Variants in BAHD1 observed in about 807,000 individuals in gnomAD.
BAHD1 encodes the protein bromo adjacent homology domain containing 1.
Under a neutral mutation model 63.1 loss-of-function variants are expected in BAHD1, and 20 were observed. That is an observed-to-expected ratio of 0.32 (90% confidence interval 0.22 to 0.46). The LOEUF (loss-of-function observed/expected upper bound fraction) is 0.46. Ranked by LOEUF, BAHD1 falls within the 20% of genes least tolerant of loss-of-function variation. BAHD1 has a pLI of 1.00. For missense variants in BAHD1, 939 were observed against 1,071.8 expected (o/e 0.88, Z 1.73); for synonymous variants, 408 against 426.8 (o/e 0.96, Z 0.54).
intron 1 of BAHD1, among the ~76,000 whole-genome samples, chr15:40,441,570 C>T (rs957115848): frequency 6.7e-6 from 1 of 148,944 alleles, no homozygotes; most frequent in Non-Finnish European, 1.5e-5. Flanking sequence ...CCTTGCAGGC[C>T]GGGGGCGGGG....
rs752320669 is a variant in BAHD1 at position 40,459,136 on chromosome 15, G to T, written c.672G>T (p.Arg224=). The T allele has an allele frequency of 6.2e-7, 1 of 1,613,014 alleles. No individual in the cohort carries two copies. The highest frequency in any genetic ancestry group is 2.2e-5 in the East Asian group (1 of 44,884). The part of the protein sequence containing the change: ...KLSQERELPL[R]LPRAHAEVDG... Reference sequence around the variant, plus strand: ...GCCAGGAGCGGGAGCTACCCCTGCGGCTGCCTCGTGCCCATGCAGAAGTAG... The same window carrying T: ...GCCAGGAGCGGGAGCTACCCCTGCGTCTGCCTCGTGCCCATGCAGAAGTAG... The change falls in exon 2 of 7, where the codon CGG becomes CGT. Residue 224 remains arginine (R), a synonymous_variant. Transcript: ENST00000416165.
chr15:40,463,804 G>C (rs971119373), intron 3 of BAHD1, 57 bp from the exon 4 acceptor site: 6 of 1,593,366 alleles, frequency 3.8e-6, no homozygotes, highest in Admixed American at 1.7e-5. Flanking sequence ...CCCTCTCTCT[G>C]TCCTTACTCT....
intron 1 of BAHD1, among the ~76,000 whole-genome samples, chr15:40,442,074 G>C (rs1163016099): frequency 6.6e-6 from 1 of 152,166 alleles, no homozygotes; most frequent in East Asian, 1.9e-4. Context: ...AGTGACAGCG[G>C]GACCCTGTGC....
Position 40,458,463 on chromosome 15 carries a change from C to G in BAHD1, c.-2C>G. ...TTCTGTCCTGCAGGTTGGAAGTACT[C>G]CATGACACACACTCGGAGAAAGTCC... On this transcript the variant is annotated 5_prime_UTR_variant, in exon 2 of 7. Transcript: ENST00000416165. The surrounding 1 kb of genome is among the most constrained non-coding windows in gnomAD (Gnocchi z 4.7). 1 of 1,573,960 alleles carries G rather than the reference C, an allele frequency of 6.4e-7. No individual in the cohort carries two copies. The highest frequency in any genetic ancestry group is 8.6e-7 in the Non-Finnish European group (1 of 1,157,554).
Position 40,465,981 on chromosome 15 carries a change from A to C in BAHD1, c.2194A>C (p.Ser732Arg), listed in dbSNP as rs766984373. Residue 732 changes from serine (S) to arginine (R), a missense_variant, in exon 7 of 7, where the codon AGC becomes CGC. Transcript: ENST00000416165. Reference protein sequence around the residue: ...MAKRRGEGLPSRKTALVPPSA... With the variant: ...MAKRRGEGLPRRKTALVPPSA... The stretch of plus-strand genomic sequence containing the variant: ...CAAGCGCCGAGGTGAAGGCCTCCCC[A>C]GCCGAAAGACAGCACTGGTTCCCCC... 3 of 1,607,844 alleles carry C rather than the reference A, an allele frequency of 1.9e-6. No homozygotes were observed. The highest frequency in any genetic ancestry group is 2.5e-6 in the Non-Finnish European group (3 of 1,177,134).
intron 1 of BAHD1, among the ~76,000 whole-genome samples, chr15:40,445,271 A>C (rs1893507169): frequency 6.6e-6 from 1 of 151,290 alleles, no homozygotes; most frequent in Non-Finnish European, 1.5e-5. Flanking sequence ...AAAAAAAAAA[A>C]AAAAACAACC....
chr15:40,461,714 A>G (rs996694471), intron 2 of BAHD1, among the ~76,000 whole-genome samples, 198 bp from the exon 3 acceptor site: 3 of 152,066 alleles, frequency 2.0e-5, no homozygotes, highest in Non-Finnish European at 2.9e-5. Flanking sequence ...GAGATGGCCA[A>G]TCTCCAAGAT....
rs1894068875 is a variant in BAHD1 at position 40,462,222 on chromosome 15, C to T, written c.1743C>T (p.Arg581=). 2 of 1,611,352 alleles carry T rather than the reference C, an allele frequency of 1.2e-6. No homozygotes were observed. The highest frequency in any genetic ancestry group is 1.3e-5 in the African/African-American group (1 of 74,840). ...CACGTGTCCAGCGCCCACGCCCTCG[C>T]CGCCGCCGTCGCCGCCGCACTAATG... is the stretch of plus-strand genomic sequence containing the variant. ...KQPRVQRPRP[R]RRRRRRTNGW... is the part of the protein sequence containing the mutation. Residue 581 remains arginine, a synonymous_variant, in exon 3 of 7, where the codon CGC becomes CGT. Transcript: ENST00000416165.
intron 1 of BAHD1, among the ~76,000 whole-genome samples, chr15:40,447,423 C>T (rs757591478): frequency 1.6e-4 from 24 of 151,990 alleles, no homozygotes; most frequent in African/African-American, 4.3e-4. Flanking sequence ...AAAAATGAGC[C>T]GGGTCTGGTA....
At chr15:40,438,498 C>T (rs1356755718), upstream of BAHD1, among the ~76,000 whole-genome samples, 1 of 152,024 alleles carries the variant, frequency 6.6e-6, no homozygotes, top group Non-Finnish European at 1.5e-5. Context: ...CAGTCAGAGC[C>T]TCCTGGGGCA....
chr15:40,465,532 C>A (rs1358495782), intron 6 of BAHD1, 97 bp downstream of exon 6: 2 of 926,572 alleles, frequency 2.2e-6, no homozygotes, highest in Non-Finnish European at 3.5e-6. Flanking sequence ...TCTCATTCTG[C>A]TCTCTACCTG....
chr15:40,465,799 C>A, intron 6 of BAHD1, 142 bp from the exon 7 acceptor site: 1 of 843,822 alleles, frequency 1.2e-6, no homozygotes, highest in Non-Finnish European at 1.9e-6. Flanking sequence ...AGACATCATC[C>A]CTGGGATGGG....
chr15:40,442,648 C>T (rs1893437103), intron 1 of BAHD1, among the ~76,000 whole-genome samples: 2 of 152,150 alleles, frequency 1.3e-5, no homozygotes, highest in African/African-American at 4.8e-5. Flanking sequence ...AAGAGACACC[C>T]CACCCCGTGG....
upstream of BAHD1, chr15:40,439,895 CG>C (rs1295221482): frequency 6.6e-6 from 1 of 152,288 alleles, no homozygotes; most frequent in African/African-American, 2.4e-5. Flanking sequence ...CGAGCGTGCT[CG>C]GGCTTGGGAG....
intron 1 of BAHD1, among the ~76,000 whole-genome samples, chr15:40,445,575 GA>G (rs1257483596): frequency 2.8e-4 from 43 of 152,136 alleles, no homozygotes; most frequent in Admixed American, 2.8e-3. Flanking sequence ...AAACCTTAAG[GA>G]AAAAAAGTCT....
intron 1 of BAHD1, among the ~76,000 whole-genome samples, chr15:40,442,025 G>A (rs1893418564): frequency 6.6e-6 from 1 of 152,106 alleles, no homozygotes; most frequent in Non-Finnish European, 1.5e-5. Flanking sequence ...CCGAGTCCGA[G>A]GTGTGGCGGG....
At chr15:40,439,954 G>C (rs910111501), upstream of BAHD1, 1 of 152,264 alleles carries the variant, frequency 6.6e-6, no homozygotes, top group African/African-American at 2.4e-5. Flanking sequence ...TTGGTGACTA[G>C]GGGGAAGCCA....
Position 40,459,271 on chromosome 15 carries a change from T to C in BAHD1, c.807T>C (p.Ala269=), listed in dbSNP as rs1466093843. ...KAWQGASSGE[A]AGPPGWQGCP... ...GGCAGGGGGCCAGCTCTGGGGAGGC[T>C]GCAGGCCCACCTGGCTGGCAAGGCT... The change falls in exon 2 of 7, where the codon GCT becomes GCC. Residue 269 remains alanine (A), a synonymous_variant. Transcript: ENST00000416165. 26 of 1,612,734 alleles carry C rather than the reference T, an allele frequency of 1.6e-5. No individual in the cohort carries two copies. Among genetic ancestry groups the C allele is most frequent in the Non-Finnish European group, 2.2e-5 (26 of 1,179,950 alleles).
Position 40,459,791 on chromosome 15 carries a change from G to A in BAHD1, c.1327G>A (p.Asp443Asn). 1 of 1,613,788 alleles carries A rather than the reference G, an allele frequency of 6.2e-7. No homozygotes were observed. Among genetic ancestry groups the A allele is most frequent in the Non-Finnish European group, 8.5e-7 (1 of 1,180,008 alleles). Residue 443 changes from aspartate to asparagine, a missense_variant, in exon 2 of 7, where the codon GAC becomes AAC. By Grantham distance (23) the Asp-to-Asn change is conservative (BLOSUM62 1). This residue lies in a region of BAHD1 where 797 missense variants were observed against 813.3 expected (regional missense o/e 0.98). Coordinates refer to ENST00000416165, the MANE Select transcript of BAHD1 (RefSeq NM_014952.5). ...WGSSRYCSSEDTGVNGYSICG... is the reference protein window; with the variant it reads ...WGSSRYCSSENTGVNGYSICG... Reference sequence around the variant, plus strand: ...CTCCTCTCGCTACTGCTCTAGCGAGGACACTGGAGTGAATGGCTACAGCAT... The same window carrying A: ...CTCCTCTCGCTACTGCTCTAGCGAGAACACTGGAGTGAATGGCTACAGCAT...
Sources: gnomAD v4.1 joint callset for allele counts (sites outside exome capture counted in the v4.1 genomes callset) on GRCh38, gnomAD v4.1.1 for gene constraint, gnomAD v4.1.1 regional missense constraint, Gnocchi (gnomAD v3.1) non-coding constraint, MANE v1.5 for transcripts, NCBI Gene and HGNC (gene_info 2026-07-23, HGNC 2026-07-21) for gene names.